Variants in NFKBID observed in about 807,000 individuals in gnomAD.
NFKBID encodes the protein NFKB inhibitor delta.
NFKBID carries 26 observed loss-of-function variants against 53.4 expected under a neutral mutation model. The ratio of observed to expected loss-of-function variants is 0.49; its 90% CI spans 0.36 to 0.68. The LOEUF (loss-of-function observed/expected upper bound fraction) is 0.68, where lower values mean the gene tolerates loss of function less well. Ranked by LOEUF, NFKBID falls within the 30% of genes least tolerant of loss-of-function variation. The pLI, the probability that NFKBID is intolerant of heterozygous loss-of-function variation, is 0.00. For missense variants in NFKBID, 493 were observed against 614.1 expected, an observed-to-expected ratio of 0.80 and a Z score of 2.08; for synonymous variants, 262 against 259.8, an observed-to-expected ratio of 1.01 and a Z score of -0.08.
At chr19:35,888,470 A>G (rs1477893752) in exon 12 of NFKBID, 6 of 938,520 alleles carry the variant, frequency 6.4e-6, no homozygotes, top group Middle Eastern at 2.3e-4. Context: ...TTCCACATAC[A>G]TTATCATGGG....
chr19:35,888,499 G>A lies in NFKBID; in HGVS notation c.*60C>T, dbSNP rs769263241. 4.0e-5 allele frequency: 49 copies of A among 1,217,094 alleles called. No individual in the cohort carries two copies. In the African/African-American group the frequency reaches 5.1e-4, roughly 13 times the overall value. 75.4% of individuals were successfully genotyped at this position (1,217,094 alleles called of 1,614,324 possible). ...TCATGGGTTTGCAACATTAGCATAC[G>A]CTGGCTGTCCCGCAGGACGGTGGGG... On this transcript the variant is annotated 3_prime_UTR_variant, in exon 12 of 12. Transcript: ENST00000641389.
exon 11 of NFKBID, chr19:35,889,892 C>A (rs756682211): frequency 6.8e-6 from 11 of 1,606,576 alleles, no homozygotes; most frequent in Admixed American, 3.4e-5. Context: ...TTACTTACCC[C>A]CTCAGGGCCC....
rs1173111507 is a variant in NFKBID at position 35,896,018 on chromosome 19, G to A, written c.994C>T (p.His332Tyr). ...TTAGCACCCATTTGCAGCAACATGT[G>A]GACACAATCCAGCCTGTCTCGGGCC... The change falls in exon 9 of 12, where the codon CAC (histidine) becomes TAC (tyrosine). Residue 332 changes from histidine to tyrosine, a missense_variant. Coordinates refer to ENST00000641389, the Ensembl canonical transcript of NFKBID. This position sits in a 1 kb window ranked among gnomAD's most constrained non-coding sequence, Gnocchi z 5.7. 1 of 1,614,062 alleles carries A rather than the reference G, an allele frequency of 6.2e-7. No individual in the cohort carries two copies. Among genetic ancestry groups the A allele is most frequent in the African/African-American group, 1.3e-5 (1 of 74,930 alleles).
intron 3 of NFKBID, 44 bp downstream of exon 3, chr19:35,898,428 C>T: frequency 7.6e-7 from 1 of 1,323,744 alleles, no homozygotes; most frequent in East Asian, 2.5e-5. Context: ...GTCTGAGTCC[C>T]TTAGGGAAGG....
chr19:35,898,812 A>C, exon 2 of NFKBID: 2 of 1,535,720 alleles, frequency 1.3e-6, no homozygotes, highest in South Asian at 2.4e-5. Context: ...GGCTGCGCTC[A>C]CCCCTGCTCA....
At chr19:35,897,877 AG>A (rs1214082068) in intron 3 of NFKBID, 21 bp from the exon 4 acceptor site, 1 of 1,513,796 alleles carries the variant, frequency 6.6e-7, no homozygotes, top group Non-Finnish European at 8.9e-7. Context: ...GAGGAGGGGC[AG>A]GGGCAGGTCT....
Position 35,896,884 on chromosome 19 carries a change from C to G in NFKBID, c.578+29G>C, listed in dbSNP as rs1975208761. ...GAACAGCCCCCACCAAGCCAAGAGT[C>G]TGCAGACAACCCTATCCCTTATACT... On this transcript the variant is annotated intron_variant, in intron 5 of 11. Coordinates refer to ENST00000641389, the Ensembl canonical transcript of NFKBID. The surrounding 1 kb of genome is among the most constrained non-coding windows in gnomAD (Gnocchi z 5.7). 1 of 1,613,764 alleles carries G rather than the reference C, an allele frequency of 6.2e-7. No homozygotes were observed. The highest frequency in any genetic ancestry group is 1.3e-5 in the African/African-American group (1 of 74,926).
At chr19:35,889,556 G>A (rs1015219394) in intron 11 of NFKBID, among the ~76,000 whole-genome samples, 5 of 151,804 alleles carry the variant, frequency 3.3e-5, no homozygotes, top group Admixed American at 3.3e-4. Context: ...TCACATCTGA[G>A]GTCAGGACCC....
chr19:35,898,892 G>A (rs1405409496), intron 1 of NFKBID, 70 bp from the exon 2 acceptor site: 5 of 1,262,840 alleles, frequency 4.0e-6, no homozygotes, highest in Non-Finnish European at 5.5e-6. Context: ...GGGGTGGCGC[G>A]CGGGGAGTGG....
chr19:35,889,238 A>G (rs1974585547), intron 11 of NFKBID, among the ~76,000 whole-genome samples: 2 of 151,334 alleles, frequency 1.3e-5, no homozygotes, highest in Admixed American at 1.3e-4. Context: ...TGCCTGTAGT[A>G]CCAGCTACTG....
At chr19:35,894,036 C>T (rs2146949432) in intron 9 of NFKBID, among the ~76,000 whole-genome samples, 1 of 152,202 alleles carries the variant, frequency 6.6e-6, no homozygotes, top group South Asian at 2.1e-4. Context: ...GGGCGGCTCA[C>T]CTGAGGTCAG....
intron 9 of NFKBID, among the ~76,000 whole-genome samples, chr19:35,895,000 A>G: frequency 6.8e-6 from 1 of 146,316 alleles, no homozygotes; most frequent in East Asian, 2.0e-4. Flanking sequence ...TCTCAAAAAG[A>G]AAAAAAAAAA....
At chr19:35,888,167 A>G (rs921412472), downstream of NFKBID, 19 of 179,550 alleles carry the variant, frequency 1.1e-4, no homozygotes, top group African/African-American at 3.1e-4. Context: ...CCATTGTAGG[A>G]GATTTACTGA....
exon 10 of NFKBID, chr19:35,890,378 A>C (rs781691821): frequency 6.2e-7 from 1 of 1,604,534 alleles, no homozygotes; most frequent in Non-Finnish European, 8.5e-7. Context: ...TCCCACCTTC[A>C]TGTTGACAAA....
intron 9 of NFKBID, among the ~76,000 whole-genome samples, chr19:35,892,717 A>C (rs1053906535): frequency 2.6e-5 from 4 of 152,104 alleles, no homozygotes; most frequent in Non-Finnish European, 5.9e-5. Context: ...ATATAAAGCC[A>C]ATCTTTTTAT....
At chr19:35,898,973 C>T (rs1599627466) in intron 1 of NFKBID, among the ~76,000 whole-genome samples, 151 bp from the exon 2 acceptor site, 1 of 152,206 alleles carries the variant, frequency 6.6e-6, no homozygotes, top group Non-Finnish European at 1.5e-5. Flanking sequence ...CCTCCAAAGC[C>T]ATTAGAAGAT....
At chr19:35,897,471 T>A in intron 4 of NFKBID, 180 bp downstream of exon 4, 1 of 645,288 alleles carries the variant, frequency 1.5e-6, no homozygotes, top group Non-Finnish European at 2.8e-6. Flanking sequence ...CTCAAACGCC[T>A]GACCTCAAGT....
At chr19:35,893,650 C>T (rs925429700) in intron 9 of NFKBID, among the ~76,000 whole-genome samples, 1 of 151,800 alleles carries the variant, frequency 6.6e-6, no homozygotes, top group Admixed American at 6.6e-5. Context: ...GAAACTGCGT[C>T]TCTACTAAAA....
Position 35,897,672 on chromosome 19 carries a change from G to T in NFKBID, c.411C>A (p.Cys137Ter). Residue 137 changes from cysteine (C) to a stop codon, truncating the protein, a stop_gained, in exon 4 of 12, where the codon TGC becomes TGA. Transcript: ENST00000641389. LOFTEE classifies it high-confidence loss of function. ...TCACCTCCATGCCCTGGGGAAATGG[G>T]CACGGCTGCCCTGGGTCCGAGGGTG... 1 of 1,597,982 alleles carries T rather than the reference G, an allele frequency of 6.3e-7. No homozygotes were observed. Among genetic ancestry groups the T allele is most frequent in the Non-Finnish European group, 8.6e-7 (1 of 1,165,372 alleles).
Sources: allele counts gnomAD v4.1 joint callset (sites outside exome capture counted in the v4.1 genomes callset), GRCh38; gene constraint gnomAD v4.1.1; non-coding constraint Gnocchi (gnomAD v3.1); transcripts MANE v1.5; gene names NCBI Gene and HGNC (gene_info 2026-07-23, HGNC 2026-07-21).